DKK3: variants seen among roughly 807,000 people sequenced by gnomAD.
DKK3 encodes dickkopf-related protein 3.
Under a neutral mutation model 33.2 loss-of-function variants are expected in DKK3, and 22 were observed. That is an observed-to-expected ratio of 0.66 (90% CI 0.47 to 0.95). The LOEUF is 0.95. Ranked by LOEUF, DKK3 falls within the 40% of genes least tolerant of loss-of-function variation. DKK3 has a pLI of 0.00. For missense variants in DKK3, 398 were observed against 458.4 expected (o/e 0.87, Z 1.20); for synonymous variants, 194 against 188.8 (o/e 1.03, Z -0.23).
intron 2 of DKK3, 127 bp downstream of exon 2, chr11:12,002,173 G>C (rs775473447): frequency 1.9e-6 from 2 of 1,058,824 alleles, no homozygotes; most frequent in East Asian, 2.6e-5. Context: ...TTTTCAATCC[G>C]TATTTTATGA....
At chr11:11,983,578 G>C (rs904280604) in intron 3 of DKK3, among the ~76,000 whole-genome samples, 26 of 152,234 alleles carry the variant, frequency 1.7e-4, no homozygotes, top group African/African-American at 6.3e-4. Context: ...ACAGGCTGCA[G>C]AGGGAGAAGG....
In DKK3 at chr11:11,964,249, C is replaced by G. The variant is rs2134977312; in HGVS notation, c.*215G>C. On this transcript the variant is annotated 3_prime_UTR_variant, in exon 7 of 7. Transcript: ENST00000683431. The stretch of plus-strand genomic sequence containing the variant: ...GTGGCAAACTGCTCCTGCAGTTTAA[C>G]CCTGCCTGACTCTCCCAAGCACCAG... The G allele has an allele frequency of 1.6e-6, 1 of 629,620 alleles. No individual in the cohort carries two copies. The highest frequency in any genetic ancestry group is 2.8e-5 in the East Asian group (1 of 35,944). 39.0% of individuals were successfully genotyped at this position (629,620 alleles called of 1,614,324 possible).
chr11:11,980,225 T>A (rs548242901), intron 3 of DKK3, among the ~76,000 whole-genome samples: 60 of 152,352 alleles, frequency 3.9e-4, no homozygotes, highest in East Asian at 7.7e-4. Flanking sequence ...TGGAAAGAGA[T>A]GTTCCTCAAC....
intron 3 of DKK3, among the ~76,000 whole-genome samples, chr11:11,985,714 C>T (rs1404900223): frequency 6.6e-6 from 1 of 152,244 alleles, no homozygotes; most frequent in Non-Finnish European, 1.5e-5. Flanking sequence ...GGCTAGTACA[C>T]TGTGTTGTAG....
chr11:11,998,471 T>C (rs542720851), intron 3 of DKK3: 3 of 608,182 alleles, frequency 4.9e-6, no homozygotes, highest in East Asian at 2.8e-5. Flanking sequence ...GACCACTCAA[T>C]TTAATTTATC....
chr11:11,982,182 G>C (rs1847968868), intron 3 of DKK3, among the ~76,000 whole-genome samples: 1 of 152,106 alleles, frequency 6.6e-6, no homozygotes, highest in African/African-American at 2.4e-5. Flanking sequence ...TCGGAGTCAC[G>C]GGGGCTCCCT....
chr11:11,984,443 T>C (rs200080039), intron 3 of DKK3, among the ~76,000 whole-genome samples: 1 of 143,042 alleles, frequency 7.0e-6, no homozygotes, highest in Non-Finnish European at 1.5e-5. Context: ...ACTGCAAATA[T>C]TGTGGTTTGT....
rs145180784 is a variant in DKK3 at position 11,968,410 on chromosome 11, G to A, written c.513C>T (p.Cys171=). 103 of 1,612,776 alleles carry A rather than the reference G, an allele frequency of 6.4e-5. No individual in the cohort carries two copies. In the Middle Eastern group the frequency reaches 9.9e-4, roughly 15 times the overall value. ...GCATACTCACCATCCTCTGGCCCCG[G>A]CATGGCTGGCAGGTGTACTGGAAGC... The part of the protein sequence containing the change: ...FASFQYTCQP[C]RGQRMLCTRD... The change falls in exon 4 of 7, where the codon TGC becomes TGT. Residue 171 remains cysteine, a synonymous_variant. Transcript: ENST00000683431.
At position 11,964,117 on chromosome 11, in the gene DKK3, C is replaced by T. The variant is rs1307842772; in HGVS notation, c.*347G>A. On this transcript the variant is annotated 3_prime_UTR_variant, in exon 7 of 7. Coordinates refer to ENST00000683431, the MANE Select transcript of DKK3 (RefSeq NM_001018057.2). ...TTCCCCAAAACCAATCAGAGGGAGA[C>T]TCCACATTGTTTCCATCTCCTCCCC... 1.1e-5 allele frequency: 3 copies of T among 268,604 alleles called. No individual in the cohort carries two copies. Among genetic ancestry groups the T allele is most frequent in the Non-Finnish European group, 2.1e-5 (3 of 142,218 alleles). The allele number at this position is 268,604 out of a possible 1,614,324, so 16.6% of individuals were successfully genotyped here.
chr11:12,003,768 G>C (rs565115230), intron 1 of DKK3, among the ~76,000 whole-genome samples: 5 of 151,818 alleles, frequency 3.3e-5, no homozygotes, highest in Non-Finnish European at 7.4e-5. Context: ...TGCTCAAAAA[G>C]TATTTTCCTA....
chr11:11,966,181 G>A (rs944610793), intron 5 of DKK3, among the ~76,000 whole-genome samples: 3 of 152,246 alleles, frequency 2.0e-5, no homozygotes, highest in African/African-American at 7.2e-5. Flanking sequence ...CTGCCTGGAA[G>A]AGGTGGGCTT....
intron 3 of DKK3, chr11:11,998,225 C>T (rs1246724971): frequency 5.0e-6 from 1 of 198,846 alleles, no homozygotes; most frequent in African/African-American, 2.4e-5. Context: ...TCACAGGGGA[C>T]CAGAGCCTAG....
At chr11:12,004,814 C>A (rs1564927080) in intron 1 of DKK3, among the ~76,000 whole-genome samples, 1 of 152,182 alleles carries the variant, frequency 6.6e-6, no homozygotes, top group Non-Finnish European at 1.5e-5. Flanking sequence ...TTTAAGAAGG[C>A]AGTTTCAAAA....
rs1397152240 is a variant in DKK3 at position 11,965,844 on chromosome 11, G to T, written c.795C>A (p.Cys265Ter). The change falls in exon 6 of 7, where the codon TGC (cysteine) becomes TGA (stop). Residue 265 changes from cysteine (C) to a stop codon, truncating the protein, a stop_gained. Transcript: ENST00000683431. LOFTEE classifies it high-confidence loss of function. ...GGCAGAGGAGGCCACTGGCACAAGGGCATCGGTCCAAGGCTCCATCAGGCT... is the reference window on the plus strand; with the variant it reads ...GGCAGAGGAGGCCACTGGCACAAGGTCATCGGTCCAAGGCTCCATCAGGCT... ...ELEPDGALDRCPCASGLLCQP... is the reference protein window; with the variant it reads ...ELEPDGALDR 2 of 1,614,164 alleles carry T rather than the reference G, an allele frequency of 1.2e-6. No individual in the cohort carries two copies. Among genetic ancestry groups the T allele is most frequent in the South Asian group, 1.1e-5 (1 of 91,088 alleles).
chr11:11,974,574 G>A lies in DKK3; in HGVS notation c.436-6087C>T, dbSNP rs1379686016. Among the ~76,000 whole-genome samples, 6 of 152,104 alleles carry A rather than the reference G, an allele frequency of 3.9e-5. No homozygotes were observed. The East Asian group carries it at 1.2e-3, about 29-fold the overall frequency. ...TAAGAAACCAACTCCCACAATAATG[G>A]CATTAATCCATTTATGACTGTGGAG... On this transcript the variant is annotated intron_variant, in intron 3 of 6. Transcript: ENST00000683431.
chr11:11,977,136 C>T (rs1847850790), intron 3 of DKK3, among the ~76,000 whole-genome samples: 1 of 152,182 alleles, frequency 6.6e-6, no homozygotes, highest in Non-Finnish European at 1.5e-5. Flanking sequence ...TCCCCCAAGT[C>T]ACACTGCCCA....
At chr11:11,981,007 G>A (rs1425810257) in intron 3 of DKK3, among the ~76,000 whole-genome samples, 1 of 152,130 alleles carries the variant, frequency 6.6e-6, no homozygotes, top group African/African-American at 2.4e-5. Context: ...CAGCTTCTTC[G>A]ACCAAGGGAC....
At chr11:11,977,116 C>A (rs1385479192) in intron 3 of DKK3, among the ~76,000 whole-genome samples, 1 of 152,186 alleles carries the variant, frequency 6.6e-6, no homozygotes, top group African/African-American at 2.4e-5. Flanking sequence ...GCTGCTCCCA[C>A]CAATTTTCTT....
At chr11:11,970,109 A>G (rs1270419601) in intron 3 of DKK3, among the ~76,000 whole-genome samples, 1 of 152,198 alleles carries the variant, frequency 6.6e-6, no homozygotes, top group African/African-American at 2.4e-5. Context: ...CGTTCTTTCC[A>G]AAGCAGAATG....
Sources: allele counts gnomAD v4.1 joint callset (sites outside exome capture counted in the v4.1 genomes callset), GRCh38; gene constraint gnomAD v4.1.1; transcripts MANE v1.5; gene names NCBI Gene and HGNC (gene_info 2026-07-23, HGNC 2026-07-21).